POU2AF1: variants seen among roughly 807,000 people sequenced by gnomAD.
POU2AF1 encodes the protein POU domain class 2-associating factor 1.
In POU2AF1, 12 loss-of-function variants were observed where a neutral mutation model predicts 26.3. The ratio of observed to expected loss-of-function variants is 0.46; its 90% confidence interval spans 0.29 to 0.74. The LOEUF is 0.74. Among genes scored for constraint, POU2AF1 ranks in the 30% least tolerant of loss-of-function variants. The pLI is 0.09. For missense variants in POU2AF1, 297 were observed against 334.5 expected, an observed-to-expected ratio of 0.89 and a Z score of 0.87; for synonymous variants, 175 against 148.0, an observed-to-expected ratio of 1.18 and a Z score of -1.32.
chr11:111,378,097 G>A (rs1183174710), intron 1 of POU2AF1, among the ~76,000 whole-genome samples: 1 of 152,146 alleles, frequency 6.6e-6, no homozygotes, highest in African/African-American at 2.4e-5. Context: ...CAATAAATTG[G>A]TGATGACAGT....
At chr11:111,371,203 A>G (rs1169030667) in intron 1 of POU2AF1, among the ~76,000 whole-genome samples, 3 of 152,154 alleles carry the variant, frequency 2.0e-5, no homozygotes, top group South Asian at 2.1e-4. Flanking sequence ...TCAGTTTAAG[A>G]CTGGTCAAAT....
intron 1 of POU2AF1, among the ~76,000 whole-genome samples, chr11:111,372,042 AC>A (rs1861219881): frequency 7.9e-6 from 1 of 126,928 alleles, no homozygotes; most frequent in Non-Finnish European, 1.7e-5. Flanking sequence ...ACACACACAC[AC>A]ACACACACAC....
chr11:111,378,549 A>G (rs1017715084), intron 1 of POU2AF1, among the ~76,000 whole-genome samples: 1 of 152,212 alleles, frequency 6.6e-6, no homozygotes, highest in Non-Finnish European at 1.5e-5. Flanking sequence ...AACCCACTGC[A>G]TCCTTTGCAG....
At chr11:111,368,200 C>T (rs534821779) in intron 1 of POU2AF1, among the ~76,000 whole-genome samples, 2 of 152,106 alleles carry the variant, frequency 1.3e-5, no homozygotes, top group Admixed American at 1.3e-4. Flanking sequence ...TCCACCTACA[C>T]CTGGTTTAGT....
Position 111,354,549 on chromosome 11 carries a change from C to A in POU2AF1, c.483G>T (p.Val161=). Residue 161 remains valine, a synonymous_variant, in exon 5 of 5, where the codon GTG becomes GTT. Coordinates refer to ENST00000393067, the MANE Select transcript of POU2AF1 (RefSeq NM_006235.3). The stretch of plus-strand genomic sequence containing the variant: ...GCTCTGGGCCCTCCAGCGGGGGCCC[C>A]ACTGCGGGCGTGGCGGAGCTTCTTG... ...VTTRSSATPA[V]GPPLEGPEHQ... 1 of 1,542,210 alleles carries A rather than the reference C, an allele frequency of 6.5e-7. No homozygotes were observed. Among genetic ancestry groups the A allele is most frequent in the Admixed American group, 2.2e-5 (1 of 44,548 alleles).
Position 111,379,170 on chromosome 11 carries a change from C to A in POU2AF1, c.8G>T (p.Trp3Leu), listed in dbSNP as rs545791509. ...ACAGCCAAACCACTTACGTTTTTGC[C>A]AGAGCATGGCCTGTGACAGGATGTT... The part of the protein sequence containing the change: ML[W>L]QKPTAPEQAP... The change falls in exon 1 of 5, where the codon TGG becomes TTG. Residue 3 changes from tryptophan (W) to leucine (L), a missense_variant. Transcript: ENST00000393067. 1 of 1,614,154 alleles carries A rather than the reference C, an allele frequency of 6.2e-7. No homozygotes were observed. Among genetic ancestry groups the A allele is most frequent in the South Asian group, 1.1e-5 (1 of 91,080 alleles).
chr11:111,358,345 C>G (rs1223337776), intron 2 of POU2AF1, among the ~76,000 whole-genome samples: 1 of 58,224 alleles, frequency 1.7e-5, no homozygotes, highest in African/African-American at 3.9e-5. Context: ...CTCTCACACT[C>G]TCACACTCAC....
chr11:111,358,320 G>C (rs61896823), intron 2 of POU2AF1, among the ~76,000 whole-genome samples: 2 of 119,926 alleles, frequency 1.7e-5, no homozygotes, highest in East Asian at 2.2e-4. Flanking sequence ...TCTCACACAC[G>C]TACTCTCTCA....
intron 1 of POU2AF1, among the ~76,000 whole-genome samples, chr11:111,366,159 A>G (rs975893332): frequency 2.0e-5 from 3 of 152,208 alleles, no homozygotes; most frequent in Non-Finnish European, 4.4e-5. Context: ...TTTACACTAT[A>G]TTTTAGTTGA....
At chr11:111,372,069 C>CACAGAG (rs1555076835) in intron 1 of POU2AF1, among the ~76,000 whole-genome samples, 2 of 144,262 alleles carry the variant, frequency 1.4e-5, no homozygotes, top group African/African-American at 5.4e-5. Flanking sequence ...CACACACACA[C>CACAGAG]AGAGAGAGAG....
chr11:111,379,139 A>T, intron 1 of POU2AF1, 23 bp downstream of exon 1: 1 of 1,613,942 alleles, frequency 6.2e-7, no homozygotes, highest in Non-Finnish European at 8.5e-7. Context: ...CTTGGGTCTG[A>T]CAGCCACAGC....
intron 1 of POU2AF1, among the ~76,000 whole-genome samples, chr11:111,378,431 A>T (rs2135145027): frequency 6.6e-6 from 1 of 152,336 alleles, no homozygotes; most frequent in East Asian, 1.9e-4. Flanking sequence ...AATAATCTGT[A>T]TTATTTCAGT....
At chr11:111,355,654 C>T (rs957563019) in intron 4 of POU2AF1, among the ~76,000 whole-genome samples, 3 of 152,154 alleles carry the variant, frequency 2.0e-5, no homozygotes, top group Admixed American at 6.5e-5. Flanking sequence ...TGGGATTTTG[C>T]ATGTCTAATC....
chr11:111,369,694 C>T (rs1486091741), intron 1 of POU2AF1, among the ~76,000 whole-genome samples: 4 of 152,206 alleles, frequency 2.6e-5, no homozygotes, highest in Non-Finnish European at 5.9e-5. Context: ...CTAAACAGAG[C>T]TCCAGACCTA....
chr11:111,363,119 G>T, intron 1 of POU2AF1: 2 of 1,009,386 alleles, frequency 2.0e-6, no homozygotes, highest in Non-Finnish European at 2.4e-6. Context: ...TTGGAACTCA[G>T]TGTCAACAGG....
intron 1 of POU2AF1, among the ~76,000 whole-genome samples, chr11:111,377,142 C>T (rs1355829114): frequency 6.7e-6 from 1 of 150,104 alleles, no homozygotes; most frequent in African/African-American, 2.5e-5. Flanking sequence ...GAGGTCAAAG[C>T]GGGTGGATCA....
chr11:111,367,842 A>T (rs1279295802), intron 1 of POU2AF1, among the ~76,000 whole-genome samples: 1 of 152,168 alleles, frequency 6.6e-6, no homozygotes, highest in Non-Finnish European at 1.5e-5. Context: ...GCAAGGTTTT[A>T]TTTTTGGTAT....
chr11:111,363,292 TAAG>T (rs1861045956), intron 1 of POU2AF1: 2 of 1,024,768 alleles, frequency 2.0e-6, no homozygotes, highest in Admixed American at 1.2e-4. Context: ...GCTGAGCAGG[TAAG>T]AAGGAGGGTG....
In POU2AF1 at chr11:111,354,550, A is replaced by G; in HGVS notation, c.482T>C (p.Val161Ala). ...VTTRSSATPA[V>A]GPPLEGPEHQ... ...CTCTGGGCCCTCCAGCGGGGGCCCC[A>G]CTGCGGGCGTGGCGGAGCTTCTTGT... Residue 161 changes from valine to alanine, a missense_variant, in exon 5 of 5, where the codon GTG becomes GCG. Physicochemically the swap from Val to Ala is moderately conservative, Grantham distance 64 (BLOSUM62 0). Transcript: ENST00000393067. 1 of 1,541,146 alleles carries G rather than the reference A, an allele frequency of 6.5e-7. No homozygotes were observed. The highest frequency in any genetic ancestry group is 8.7e-7 in the Non-Finnish European group (1 of 1,149,640).
Sources: allele counts gnomAD v4.1 joint callset (sites outside exome capture counted in the v4.1 genomes callset), GRCh38; gene constraint gnomAD v4.1.1; transcripts MANE v1.5; gene names NCBI Gene and HGNC (gene_info 2026-07-23, HGNC 2026-07-21).